DIPK1A: variants seen among roughly 807,000 people sequenced by gnomAD.
The protein encoded by DIPK1A is family with sequence similarity 69 member A.
Under a neutral mutation model 40.8 loss-of-function variants are expected in DIPK1A, and 27 were observed. That is an observed-to-expected ratio of 0.66 (90% CI 0.49 to 0.91). The LOEUF (loss-of-function observed/expected upper bound fraction) is 0.91. Among genes scored for constraint, DIPK1A ranks in the 40% least tolerant of loss-of-function variants. DIPK1A has a pLI of 0.00. For missense variants in DIPK1A, 412 were observed against 505.7 expected, an observed-to-expected ratio of 0.81 and a Z score of 1.78; for synonymous variants, 166 against 171.3, an observed-to-expected ratio of 0.97 and a Z score of 0.24.
At chr1:92,943,878 G>A (rs187758596) in intron 1 of DIPK1A, among the ~76,000 whole-genome samples, 4 of 152,262 alleles carry the variant, frequency 2.6e-5, no homozygotes, top group South Asian at 4.2e-4. Flanking sequence ...CCAAGCACAT[G>A]AGAAAGTCCA....
chr1:92,844,155 T>C lies in DIPK1A; in HGVS notation c.515A>G (p.Asn172Ser). Reference protein sequence around the residue: ...GDQGNLSELVNLILTVADGDK... With the variant: ...GDQGNLSELVSLILTVADGDK... Reference sequence around the variant, plus strand: ...TCCATCAGCCACCGTCAAGATGAGATTAACCAGTTCAGAGAGGTTTCCTTG... The same window carrying C: ...TCCATCAGCCACCGTCAAGATGAGACTAACCAGTTCAGAGAGGTTTCCTTG... The change falls in exon 5 of 5, where the codon AAT (asparagine) becomes AGT (serine). Residue 172 changes from asparagine to serine, a missense_variant. Coordinates refer to ENST00000370310, the MANE Select transcript of DIPK1A (RefSeq NM_001006605.5). 6.4e-7 allele frequency: 1 copy of C among 1,551,730 alleles called. No individual in the cohort carries two copies. The highest frequency in any genetic ancestry group is 8.7e-7 in the Non-Finnish European group (1 of 1,147,004).
intron 1 of DIPK1A, among the ~76,000 whole-genome samples, chr1:92,901,724 A>G (rs552618136): frequency 3.9e-5 from 6 of 152,240 alleles, no homozygotes; most frequent in African/African-American, 1.4e-4. Context: ...GTGCAGTGGC[A>G]GCAAATATCC....
At chr1:92,958,659 G>A (rs957674116) in intron 1 of DIPK1A, among the ~76,000 whole-genome samples, 3 of 152,146 alleles carry the variant, frequency 2.0e-5, no homozygotes, top group Non-Finnish European at 4.4e-5. Flanking sequence ...CCAGACATCT[G>A]TATTCTAAGA....
chr1:92,893,268 C>A (rs12057243), intron 1 of DIPK1A, among the ~76,000 whole-genome samples: 2,833 of 151,176 alleles, frequency 0.019, 129 homozygotes, highest in African/African-American at 0.065. Context: ...TCAGGTTACC[C>A]ACAAAGGGAA....
chr1:92,859,993 C>T (rs147808699), intron 2 of DIPK1A, among the ~76,000 whole-genome samples: 1 of 152,296 alleles, frequency 6.6e-6, no homozygotes, highest in African/African-American at 2.4e-5. Context: ...TAAGCCACTG[C>T]ACCCGGCCTG....
intron 2 of DIPK1A, among the ~76,000 whole-genome samples, chr1:92,874,152 T>A (rs752553966): frequency 7.2e-5 from 11 of 152,214 alleles, no homozygotes; most frequent in African/African-American, 2.7e-4. Flanking sequence ...TCTGGTTTCC[T>A]TTCTTATAAA....
intron 3 of DIPK1A, 138 bp downstream of exon 3, chr1:92,850,710 A>T (rs1457837137): frequency 1.6e-6 from 1 of 606,878 alleles, no homozygotes; most frequent in Non-Finnish European, 2.9e-6. Flanking sequence ...TGTTTAATGA[A>T]TGAATCAAAG....
chr1:92,922,810 C>T (rs1650322002), intron 1 of DIPK1A, among the ~76,000 whole-genome samples: 1 of 152,190 alleles, frequency 6.6e-6, no homozygotes, highest in African/African-American at 2.4e-5. Context: ...GCAGCCAGTA[C>T]AACACTCTCT....
Position 92,842,502 on chromosome 1 carries a change from AC to A in DIPK1A, c.*880del. ...GGAAAAAAACATTAGATAAATAAAT[AC>A]ATTTACATGCCTCTTTAAGAAATAG... On this transcript the variant is annotated 3_prime_UTR_variant, in exon 5 of 5. Transcript: ENST00000370310. 1.0e-6 allele frequency: 1 copy of A among 979,438 alleles called. No individual in the cohort carries two copies. The highest frequency in any genetic ancestry group is 1.2e-6 in the Non-Finnish European group (1 of 824,460). 60.7% of individuals were successfully genotyped at this position (979,438 alleles called of 1,614,324 possible). A position where few individuals can be genotyped will look rare whatever the true frequency, so the allele number is the denominator to read the frequency against.
intron 2 of DIPK1A, among the ~76,000 whole-genome samples, chr1:92,853,113 T>C (rs940993499): frequency 3.3e-5 from 5 of 151,252 alleles, no homozygotes; most frequent in African/African-American, 1.2e-4. Context: ...CAAAATGAAA[T>C]GGAAATTTAA....
rs534831966 is a variant in DIPK1A at position 92,871,195 on chromosome 1, C to T, written c.189+5101G>A. 1.1e-4 allele frequency among the ~76,000 whole-genome samples: 16 copies of T among 152,062 alleles called. No individual in the cohort carries two copies. The South Asian group carries it at 1.9e-3, about 18-fold the overall frequency. On this transcript the variant is annotated intron_variant, in intron 2 of 4. Transcript: ENST00000370310. ...TTTATTTTTTTCTGAGACTAAGTTT[C>T]GCTCTTGTTGACCAGGCTGGAGTAC...
At chr1:92,893,939 A>G (rs1649035108) in intron 1 of DIPK1A, among the ~76,000 whole-genome samples, 1 of 151,996 alleles carries the variant, frequency 6.6e-6, no homozygotes, top group African/African-American at 2.4e-5. Context: ...GATCAATTCA[A>G]CAAGAAGAGC....
intron 1 of DIPK1A, among the ~76,000 whole-genome samples, chr1:92,923,717 T>C (rs1379963056): frequency 6.6e-6 from 1 of 152,176 alleles, no homozygotes; most frequent in African/African-American, 2.4e-5. Flanking sequence ...TCTGTCAACA[T>C]ATGTACTAGT....
intron 2 of DIPK1A, among the ~76,000 whole-genome samples, chr1:92,852,534 G>A (rs566309874): frequency 1.3e-5 from 2 of 152,098 alleles, no homozygotes; most frequent in East Asian, 1.9e-4. Flanking sequence ...GAAGAATGTT[G>A]CTATGAAACA....
rs188036429 is a variant in DIPK1A at position 92,954,734 on chromosome 1, T to C, written c.54+6642A>G. Among the ~76,000 whole-genome samples the C allele has an allele frequency of 1.2e-4, 19 of 152,296 alleles. No homozygotes were observed. In the East Asian group the frequency reaches 3.5e-3, roughly 28 times the overall value. The stretch of plus-strand genomic sequence containing the variant: ...AATGATGGTATTTAACAGGATGATA[T>C]AGTGTTGCTTTTAGAAACAACTTTT... On this transcript the variant is annotated intron_variant, in intron 1 of 4. Coordinates refer to ENST00000370310, the MANE Select transcript of DIPK1A (RefSeq NM_001006605.5).
At chr1:92,868,711 A>G (rs1001326226) in intron 2 of DIPK1A, among the ~76,000 whole-genome samples, 1 of 152,144 alleles carries the variant, frequency 6.6e-6, no homozygotes, top group Non-Finnish European at 1.5e-5. Flanking sequence ...CATACCTGTA[A>G]TCCCAGCACT....
In DIPK1A at chr1:92,847,356, A is replaced by G; in HGVS notation, c.301T>C (p.Tyr101His). The change falls in exon 4 of 5, where the codon TAT (tyrosine) becomes CAT (histidine). Residue 101 changes from tyrosine to histidine, a missense_variant. Coordinates refer to ENST00000370310, the MANE Select transcript of DIPK1A (RefSeq NM_001006605.5). ...GGTAGATTATCCCAAATCCCTAAAT[A>G]CATCTATGTAAAAAAGAGTGGCAAG... ...CLSTKPNNQM[Y>H]LGIWDNLPGV... is the part of the protein sequence containing the mutation. The G allele has an allele frequency of 1.3e-6, 2 of 1,597,332 alleles. No homozygotes were observed. The highest frequency in any genetic ancestry group is 1.1e-5 in the South Asian group (1 of 88,016).
chr1:92,956,992 C>G (rs1651879515), intron 1 of DIPK1A, among the ~76,000 whole-genome samples: 1 of 152,180 alleles, frequency 6.6e-6, no homozygotes, highest in Non-Finnish European at 1.5e-5. Flanking sequence ...CAACAGAACA[C>G]ATAGGCAGAA....
intron 1 of DIPK1A, among the ~76,000 whole-genome samples, chr1:92,954,103 A>C (rs1651744969): frequency 6.6e-6 from 1 of 152,156 alleles, no homozygotes. Flanking sequence ...CTGGTTTTCT[A>C]AACTCGCATA....
Sources: allele counts gnomAD v4.1 joint callset (sites outside exome capture counted in the v4.1 genomes callset), GRCh38; gene constraint gnomAD v4.1.1; transcripts MANE v1.5; gene names NCBI Gene and HGNC (gene_info 2026-07-23, HGNC 2026-07-21).